Variants in SLC22A23 observed in about 807,000 individuals in gnomAD.
SLC22A23 encodes ion transporter protein.
Under a neutral mutation model 61.0 loss-of-function variants are expected in SLC22A23, and 26 were observed. The ratio of observed to expected loss-of-function variants is 0.43; its 90% confidence interval spans 0.31 to 0.59. SLC22A23 has a LOEUF of 0.59. Among genes scored for constraint, SLC22A23 ranks in the 20% least tolerant of loss-of-function variants. The pLI is 0.11. For synonymous variants in SLC22A23, 430 were observed against 413.9 expected (o/e 1.04, Z -0.47); for missense variants, 796 against 934.7 (o/e 0.85, Z 1.94).
intron 3 of SLC22A23, among the ~76,000 whole-genome samples, chr6:3,343,579 C>T (rs1243746998): frequency 2.0e-5 from 3 of 152,122 alleles, no homozygotes; most frequent in Non-Finnish European, 4.4e-5. Flanking sequence ...TTAATGAGAC[C>T]AGCTCTTAAC....
intron 9 of SLC22A23, among the ~76,000 whole-genome samples, chr6:3,280,662 ATT>A (rs1269826172): frequency 3.8e-4 from 58 of 150,894 alleles, no homozygotes; most frequent in African/African-American, 1.4e-3. Flanking sequence ...CGCCCGGCTA[ATT>A]TTTTTTGTAT....
intron 4 of SLC22A23, among the ~76,000 whole-genome samples, chr6:3,321,141 T>A (rs1762922539): frequency 6.6e-6 from 1 of 152,328 alleles, no homozygotes; most frequent in Middle Eastern, 3.4e-3. Flanking sequence ...CCCTTCAGAC[T>A]GCCCCTCCAT....
chr6:3,284,892 A>G (rs1001734969), intron 8 of SLC22A23, 187 bp downstream of exon 8: 14 of 1,535,224 alleles, frequency 9.1e-6, no homozygotes, highest in Admixed American at 3.9e-5. Context: ...CGCTCTTTCT[A>G]GAGGCAAGAG....
chr6:3,325,560 T>C (rs967944212), intron 3 of SLC22A23, among the ~76,000 whole-genome samples: 2 of 152,220 alleles, frequency 1.3e-5, no homozygotes, highest in African/African-American at 4.8e-5. Flanking sequence ...AATGGCTCAC[T>C]CTCAGCCATT....
intron 3 of SLC22A23, among the ~76,000 whole-genome samples, chr6:3,352,988 A>G (rs1252115101): frequency 6.6e-6 from 1 of 152,196 alleles, no homozygotes. Context: ...GGGTCAAAAT[A>G]TGTATGAAAA....
rs1391540200 is a variant in SLC22A23 at position 3,427,108 on chromosome 6, T to C, written c.655-11253A>G. Reference sequence around the variant, plus strand: ...TGATAAGCCCCAGTTTTATTTCTAGTTTCGCCCCGCGGTCATCAGGGCAAG... The same window carrying C: ...TGATAAGCCCCAGTTTTATTTCTAGCTTCGCCCCGCGGTCATCAGGGCAAG... On this transcript the variant is annotated intron_variant, in intron 1 of 9. Transcript: ENST00000406686. This position sits in a 1 kb window ranked among gnomAD's most constrained non-coding sequence, Gnocchi z 4.3. Among the ~76,000 whole-genome samples the C allele has an allele frequency of 6.6e-6, 1 of 152,190 alleles. No individual in the cohort carries two copies. The highest frequency in any genetic ancestry group is 1.5e-5 in the Non-Finnish European group (1 of 68,042).
chr6:3,331,690 C>T (rs1482085326), intron 3 of SLC22A23, among the ~76,000 whole-genome samples: 3 of 152,226 alleles, frequency 2.0e-5, no homozygotes, highest in African/African-American at 7.2e-5. Context: ...GCTCAGCAAT[C>T]TCTTCTGTGT....
At chr6:3,428,137 CAT>C (rs1240255544) in intron 1 of SLC22A23, among the ~76,000 whole-genome samples, 1 of 152,238 alleles carries the variant, frequency 6.6e-6, no homozygotes, top group African/African-American at 2.4e-5. Context: ...GTAGAGAACA[CAT>C]GTCACAACTC....
At chr6:3,370,143 T>C (rs1007828511) in intron 3 of SLC22A23, among the ~76,000 whole-genome samples, 7 of 152,236 alleles carry the variant, frequency 4.6e-5, no homozygotes, top group African/African-American at 1.7e-4. Flanking sequence ...TGGGAATTTT[T>C]TTTCCCTAAA....
intron 1 of SLC22A23, among the ~76,000 whole-genome samples, chr6:3,438,914 G>C (rs1319311319): frequency 6.6e-6 from 1 of 152,224 alleles, no homozygotes; most frequent in East Asian, 1.9e-4. Flanking sequence ...AACACCCTCA[G>C]CCTGAACACC....
chr6:3,383,796 G>A (rs373937529), intron 3 of SLC22A23, among the ~76,000 whole-genome samples: 72 of 152,258 alleles, frequency 4.7e-4, no homozygotes, highest in African/African-American at 1.3e-3. Context: ...GGCGGGCGAC[G>A]GGGCTGAGAG....
chr6:3,403,799 T>C (rs1207944706), intron 3 of SLC22A23, among the ~76,000 whole-genome samples: 3 of 152,226 alleles, frequency 2.0e-5, no homozygotes, highest in African/African-American at 4.8e-5. Flanking sequence ...TAGTTTTCCA[T>C]TTGTTTTGTT....
Position 3,273,055 on chromosome 6 carries a change from C to G in SLC22A23, c.2061G>C (p.Ter687TyrextTer37), listed in dbSNP as rs1357792523. ...GGAGCCCCGGGTTCCGCAGGCCGGG[C>G]TACATGGCCTTCATGCCGTTGGCCG... Reference protein sequence around the residue: ...GATANGMKAM* With the variant: ...GATANGMKAMY The change falls in exon 10 of 10, where the codon TAG (stop) becomes TAC (tyrosine). Residue 687 changes from the stop codon to tyrosine, a stop_lost. Coordinates refer to ENST00000406686, the MANE Select transcript of SLC22A23 (RefSeq NM_015482.2). The G allele has an allele frequency of 6.4e-7, 1 of 1,551,254 alleles. No homozygotes were observed. Among genetic ancestry groups the G allele is most frequent in the Admixed American group, 1.8e-5 (1 of 54,956 alleles).
rs1769580283 is a variant in SLC22A23, at chr6:3,414,969, C to T, written c.758+783G>A. Among the ~76,000 whole-genome samples, 1 of 152,198 alleles carries T rather than the reference C, an allele frequency of 6.6e-6. No individual in the cohort carries two copies. Among genetic ancestry groups the T allele is most frequent in the Non-Finnish European group, 1.5e-5 (1 of 68,036 alleles). ...CCACGTGGTGGCTGAGTTTCAAGTT[C>T]TGGCTCTCCAGCTTAAAGCTGAGTG... On this transcript the variant is annotated intron_variant, in intron 2 of 9. Transcript: ENST00000406686. This position sits in a 1 kb window ranked among gnomAD's most constrained non-coding sequence, Gnocchi z 5.1.
intron 1 of SLC22A23, among the ~76,000 whole-genome samples, chr6:3,426,043 T>C (rs1325782422): frequency 1.3e-5 from 2 of 152,218 alleles, no homozygotes; most frequent in African/African-American, 4.8e-5. Flanking sequence ...GTTATTTCAT[T>C]GTTACAGTGA....
rs1011217488 is a variant in SLC22A23 at position 3,309,616 on chromosome 6, C to G, written c.1083-11398G>C. Among the ~76,000 whole-genome samples, 1 of 152,070 alleles carries G rather than the reference C, an allele frequency of 6.6e-6. No homozygotes were observed. Among genetic ancestry groups the G allele is most frequent in the Non-Finnish European group, 1.5e-5 (1 of 68,018 alleles). ...GACCATAATAAGGACTGTGGGCTGACGAGCAGGTGGCAGGAGGCAGCGGGC... is the reference window on the plus strand; with the variant it reads ...GACCATAATAAGGACTGTGGGCTGAGGAGCAGGTGGCAGGAGGCAGCGGGC... On this transcript the variant is annotated intron_variant, in intron 4 of 9. Coordinates refer to ENST00000406686, the MANE Select transcript of SLC22A23 (RefSeq NM_015482.2). The surrounding 1 kb of genome is among the most constrained non-coding windows in gnomAD (Gnocchi z 4.7).
chr6:3,273,706 C>T (rs1172841881), intron 9 of SLC22A23, among the ~76,000 whole-genome samples: 5 of 152,110 alleles, frequency 3.3e-5, no homozygotes, highest in Admixed American at 1.3e-4. Context: ...ACCATGAGAA[C>T]TTTATTTTGA....
rs190601711 is a variant in SLC22A23, at chr6:3,368,410, T to C, written c.913+41778A>G. Among the ~76,000 whole-genome samples the C allele has an allele frequency of 8.2e-3, 1,246 of 152,322 alleles. 14 individuals are homozygous for C. Among genetic ancestry groups the C allele is most frequent in the African/African-American group, 0.028 (1,166 of 41,564 alleles). ...ATGTGAAACTCTATGCATGTGTGCATGTGTGTGTAAGAGATATGCGCTTTT... is the reference window on the plus strand; with the variant it reads ...ATGTGAAACTCTATGCATGTGTGCACGTGTGTGTAAGAGATATGCGCTTTT... On this transcript the variant is annotated intron_variant, in intron 3 of 9. Coordinates refer to ENST00000406686, the MANE Select transcript of SLC22A23 (RefSeq NM_015482.2).
chr6:3,440,030 G>A (rs866177432), intron 1 of SLC22A23, among the ~76,000 whole-genome samples: 1 of 152,146 alleles, frequency 6.6e-6, no homozygotes, highest in Admixed American at 6.5e-5. Flanking sequence ...GGAGAGCCAC[G>A]GAGGATTTGA....
Sources: allele counts gnomAD v4.1 joint callset (sites outside exome capture counted in the v4.1 genomes callset), GRCh38; gene constraint gnomAD v4.1.1; non-coding constraint Gnocchi (gnomAD v3.1); transcripts MANE v1.5; gene names NCBI Gene and HGNC (gene_info 2026-07-23, HGNC 2026-07-21).